Variants in ILDR1 observed in about 807,000 individuals in gnomAD.
The protein encoded by ILDR1 is immunoglobulin like domain containing receptor 1.
In ILDR1, 56 loss-of-function variants were observed where a neutral mutation model predicts 62.4. The observed-to-expected ratio is 0.90, with a 90% CI of 0.72 to 1.12. The LOEUF is 1.12. Among genes scored for constraint, ILDR1 ranks in the 50% most tolerant of loss-of-function variants. The pLI, the probability that ILDR1 is intolerant of heterozygous loss-of-function variation, is 0.00. For synonymous variants in ILDR1, 284 were observed against 277.8 expected (o/e 1.02, Z -0.22); for missense variants, 736 against 710.6 (o/e 1.04, Z -0.41).
chr3:122,034,428 AG>A, the ILDR1 span, among the ~76,000 whole-genome samples: 2 of 152,226 alleles, frequency 1.3e-5, no homozygotes, highest in East Asian at 3.8e-4. Context: ...CTGAGGTCAC[AG>A]GGCAAAAATT....
the ILDR1 span, among the ~76,000 whole-genome samples, chr3:122,040,551 G>C: frequency 1.3e-5 from 2 of 151,846 alleles, no homozygotes; most frequent in Non-Finnish European, 2.9e-5. Context: ...TAAAGCTACA[G>C]TAGTCAAGAC....
At chr3:122,022,526 C>T (rs1179098681), upstream of ILDR1, among the ~76,000 whole-genome samples, 1 of 152,186 alleles carries the variant, frequency 6.6e-6, no homozygotes, top group Non-Finnish European at 1.5e-5. Context: ...CGTTATATTT[C>T]CATTCCCTTA....
chr3:122,009,034 A>G (rs1446635697), intron 1 of ILDR1, among the ~76,000 whole-genome samples: 2 of 151,356 alleles, frequency 1.3e-5, no homozygotes, highest in Non-Finnish European at 2.9e-5. Context: ...CCTGGGTTCA[A>G]GTGATCCTCC....
the ILDR1 span, among the ~76,000 whole-genome samples, chr3:122,035,535 T>C: frequency 6.6e-6 from 1 of 152,180 alleles, no homozygotes; most frequent in African/African-American, 2.4e-5. Context: ...GGTGATTGGA[T>C]CGTGGGGGCA....
chr3:122,037,663 T>C, the ILDR1 span, among the ~76,000 whole-genome samples: 39 of 152,278 alleles, frequency 2.6e-4, no homozygotes, highest in African/African-American at 7.5e-4. Flanking sequence ...TTTGAGTTAA[T>C]GCTGAAATGA....
chr3:122,036,496 G>A, the ILDR1 span, among the ~76,000 whole-genome samples: 1 of 151,852 alleles, frequency 6.6e-6, no homozygotes, highest in African/African-American at 2.4e-5. Context: ...GGCTGAGGCA[G>A]GAGAATGGTG....
At chr3:122,017,224 T>C (rs2071788957) in intron 1 of ILDR1, among the ~76,000 whole-genome samples, 1 of 152,152 alleles carries the variant, frequency 6.6e-6, no homozygotes, top group South Asian at 2.1e-4. Flanking sequence ...AATTTTTGTA[T>C]TTTTTGTAGA....
At chr3:122,061,544 C>A in the ILDR1 span, among the ~76,000 whole-genome samples, 5 of 151,816 alleles carry the variant, frequency 3.3e-5, no homozygotes, top group African/African-American at 7.3e-5. Context: ...GAAAAATGGG[C>A]AAAAGATATA....
At chr3:122,013,266 T>C (rs2071730017) in intron 1 of ILDR1, among the ~76,000 whole-genome samples, 1 of 152,180 alleles carries the variant, frequency 6.6e-6, no homozygotes, top group Non-Finnish European at 1.5e-5. Context: ...TCACACAGTA[T>C]AGGAATACAG....
the ILDR1 span, among the ~76,000 whole-genome samples, chr3:122,043,458 C>T: frequency 7.8e-6 from 1 of 128,098 alleles, no homozygotes; most frequent in Non-Finnish European, 1.6e-5. Context: ...TGAAGAAAGT[C>T]ATTGGTAGCT....
the ILDR1 span, among the ~76,000 whole-genome samples, chr3:122,033,181 C>T: frequency 6.6e-6 from 1 of 152,144 alleles, no homozygotes; most frequent in Non-Finnish European, 1.5e-5. Flanking sequence ...TCAATTATAG[C>T]TCTGCTGGTG....
At chr3:122,044,666 A>G in the ILDR1 span, among the ~76,000 whole-genome samples, 1 of 151,070 alleles carries the variant, frequency 6.6e-6, no homozygotes, top group African/African-American at 2.4e-5. Flanking sequence ...GTGTTGAGGA[A>G]TTTATCCATT....
the ILDR1 span, among the ~76,000 whole-genome samples, chr3:122,036,239 A>G: frequency 4.2e-4 from 64 of 152,338 alleles, no homozygotes; most frequent in Middle Eastern, 3.4e-3. Context: ...TGTTTCTAAA[A>G]ACGTACATTC....
At chr3:122,003,757 G>A (rs1428466153) in intron 3 of ILDR1, among the ~76,000 whole-genome samples, 18 of 151,938 alleles carry the variant, frequency 1.2e-4, no homozygotes, top group Non-Finnish European at 2.4e-4. Context: ...TGGGAGTAGT[G>A]GAAGGTATTT....
the ILDR1 span, among the ~76,000 whole-genome samples, chr3:122,053,250 A>G: frequency 6.6e-5 from 10 of 152,120 alleles, no homozygotes; most frequent in East Asian, 3.8e-4. Flanking sequence ...GGCCATTTCT[A>G]TATCTTCCTT....
chr3:122,029,511 A>AAAATATATATATATATATATATATATAT, the ILDR1 span, among the ~76,000 whole-genome samples: 25 of 139,496 alleles, frequency 1.8e-4, no homozygotes, highest in African/African-American at 6.2e-4. Context: ...GTCTAAAAAA[A>AAAATATATATATATATATATATATATAT]ATATATATAT....
intron 7 of ILDR1, among the ~76,000 whole-genome samples, chr3:121,992,842 T>C (rs572261526): frequency 2.0e-5 from 3 of 152,202 alleles, no homozygotes; most frequent in Non-Finnish European, 4.4e-5. Flanking sequence ...GCAAGGTGCT[T>C]AATCATGCTG....
At chr3:122,031,732 G>A in the ILDR1 span, among the ~76,000 whole-genome samples, 1 of 152,146 alleles carries the variant, frequency 6.6e-6, no homozygotes, top group Admixed American at 6.6e-5. Context: ...CATTGAATCT[G>A]CCAGAATCTT....
chr3:122,019,739 C>G (rs2071830410), intron 1 of ILDR1, among the ~76,000 whole-genome samples: 1 of 152,216 alleles, frequency 6.6e-6, no homozygotes, highest in South Asian at 2.1e-4. Flanking sequence ...AAATATGACA[C>G]AATTTTACTA....
Sources: gnomAD v4.1 joint callset for allele counts (sites outside exome capture counted in the v4.1 genomes callset) on GRCh38, gnomAD v4.1.1 for gene constraint, MANE v1.5 for transcripts, NCBI Gene and HGNC (gene_info 2026-07-23, HGNC 2026-07-21) for gene names.